The following RNF34 variants were observed in gnomAD, a reference collection of about 807,000 sequenced individuals.
RNF34 encodes E3 ubiquitin-protein ligase RNF34.
RNF34 carries 12 observed loss-of-function variants against 37.9 expected under a neutral mutation model. The ratio of observed to expected loss-of-function variants is 0.32; its 90% CI spans 0.20 to 0.51. The LOEUF (loss-of-function observed/expected upper bound fraction) is 0.51. Ranked by LOEUF, RNF34 falls within the 20% of genes least tolerant of loss-of-function variation. The pLI is 0.97. For missense variants in RNF34, 362 were observed against 472.7 expected, an observed-to-expected ratio of 0.77 and a Z score of 2.17; for synonymous variants, 155 against 177.2, an observed-to-expected ratio of 0.87 and a Z score of 1.00.
chr12:121,402,436 G>T lies in RNF34; in HGVS notation c.6+2218G>T, dbSNP rs57206363. Among the ~76,000 whole-genome samples, 28,562 of 151,324 alleles carry T rather than the reference G, an allele frequency of 0.19. 4,103 individuals carry two copies. Among genetic ancestry groups the T allele is most frequent in the African/African-American group, 0.41 (16,571 of 40,850 alleles). On this transcript the variant is annotated intron_variant, in intron 1 of 5. Transcript: ENST00000361234. ...TGGGTATTTACTTTCTCCCTTTGGC[G>T]TTTTGGTTTGGTTTGGTTTGGTTTG...
chr12:121,401,596 T>C (rs1331360465), intron 1 of RNF34, among the ~76,000 whole-genome samples: 1 of 152,196 alleles, frequency 6.6e-6, no homozygotes, highest in African/African-American at 2.4e-5. Flanking sequence ...CTCTGCTGTG[T>C]TAAGATCCAA....
intron 1 of RNF34, among the ~76,000 whole-genome samples, chr12:121,412,127 T>C (rs1306033832): frequency 6.6e-6 from 1 of 151,816 alleles, no homozygotes; most frequent in African/African-American, 2.4e-5. Flanking sequence ...AGTGGCGCAA[T>C]CTTGGCTCAC....
At chr12:121,401,550 A>C (rs1870001732) in intron 1 of RNF34, among the ~76,000 whole-genome samples, 1 of 152,178 alleles carries the variant, frequency 6.6e-6, no homozygotes, top group African/African-American at 2.4e-5. Context: ...TATCTATTAA[A>C]GTATCTAGAA....
rs376080046 is a variant in RNF34 at position 121,417,690 on chromosome 12, C to T, written c.412C>T (p.Arg138Cys). Residue 138 changes from arginine (R) to cysteine (C), a missense_variant, in exon 3 of 6, where the codon CGT (arginine) becomes TGT (cysteine). Physicochemically the swap from Arg to Cys is radical, Grantham distance 180. Coordinates refer to ENST00000361234, the MANE Select transcript of RNF34 (RefSeq NM_025126.4). The surrounding 1 kb of genome is among the most constrained non-coding windows in gnomAD (Gnocchi z 5.0). ...GAGAAATATACCCATAGATACTTGT[C>T]GTGAGAAAGAAGACTTGGTGGATCT... Reference protein sequence around the residue: ...ILRNIPIDTCREKEDLVDLVL... With the variant: ...ILRNIPIDTCCEKEDLVDLVL... 5.7e-5 allele frequency: 92 copies of T among 1,613,984 alleles called. No individual in the cohort carries two copies. The highest frequency in any genetic ancestry group is 9.3e-5 in the African/African-American group (7 of 74,894).
At position 121,420,279 on chromosome 12, in the gene RNF34, A is replaced by G. The variant is rs1555283040; in HGVS notation, c.671A>G (p.Asp224Gly). 6.2e-7 allele frequency: 1 copy of G among 1,602,014 alleles called. No homozygotes were observed. Among genetic ancestry groups the G allele is most frequent in the Non-Finnish European group, 8.5e-7 (1 of 1,172,476 alleles). ...ATCACTTCAGCAAACACAGAAGATG[A>G]TGATGACGACGATGATGAGGATGAT... Reference protein sequence around the residue: ...SEITSANTEDDDDDDDEDDDD... With the variant: ...SEITSANTEDGDDDDDEDDDD... The change falls in exon 4 of 6, where the codon GAT (aspartate) becomes GGT (glycine). Residue 224 changes from aspartate (D) to glycine (G), a missense_variant. By Grantham distance (94) the Asp-to-Gly change is moderately conservative. Coordinates refer to ENST00000361234, the MANE Select transcript of RNF34 (RefSeq NM_025126.4).
intron 1 of RNF34, among the ~76,000 whole-genome samples, chr12:121,407,148 A>T (rs1555280778): frequency 6.6e-6 from 1 of 152,100 alleles, no homozygotes; most frequent in East Asian, 1.9e-4. Context: ...TACCACTTGG[A>T]TGCATGTGGT....
Position 121,400,124 on chromosome 12 carries a change from C to G in RNF34, c.-89C>G. 2.0e-6 allele frequency: 3 copies of G among 1,477,086 alleles called. No individual in the cohort carries two copies. The highest frequency in any genetic ancestry group is 2.7e-6 in the Non-Finnish European group (3 of 1,097,446). The allele number at this position is 1,477,086 out of a possible 1,614,324, so 91.5% of individuals were successfully genotyped here. ...TCGCCTCCCGGGGCGCGGTAATCACCGCCCAGAGGGAAGGAGGTCGGCAGT... is the reference window on the plus strand; with the variant it reads ...TCGCCTCCCGGGGCGCGGTAATCACGGCCCAGAGGGAAGGAGGTCGGCAGT... On this transcript the variant is annotated 5_prime_UTR_variant, in exon 1 of 6. Coordinates refer to ENST00000361234, the MANE Select transcript of RNF34 (RefSeq NM_025126.4).
intron 1 of RNF34, among the ~76,000 whole-genome samples, chr12:121,407,957 G>C (rs956976764): frequency 8.6e-5 from 13 of 151,948 alleles, no homozygotes; most frequent in African/African-American, 2.7e-4. Context: ...AACCCTTGGG[G>C]AAATTGTCTT....
intron 1 of RNF34, among the ~76,000 whole-genome samples, chr12:121,415,530 C>T (rs1342984488): frequency 2.6e-5 from 4 of 152,068 alleles, no homozygotes; most frequent in African/African-American, 7.2e-5. Context: ...GCAGGAGAAT[C>T]GCTTGAACCC....
At chr12:121,420,494 A>AAT in intron 4 of RNF34, 83 bp from the exon 5 acceptor site, 2 of 1,572,298 alleles carry the variant, frequency 1.3e-6, no homozygotes, top group Non-Finnish European at 1.7e-6. Flanking sequence ...TGGCTGGGAG[A>AAT]ATATTCAGGG....
At chr12:121,422,808 G>A (rs186280175) in intron 5 of RNF34, among the ~76,000 whole-genome samples, 155 of 152,258 alleles carry the variant, frequency 1.0e-3, no homozygotes, top group African/African-American at 3.6e-3. Context: ...GAGCCAGGAC[G>A]GCCCATCTCT....
chr12:121,405,220 C>A (rs1318135994), intron 1 of RNF34: 1 of 152,198 alleles, frequency 6.6e-6, no homozygotes, highest in African/African-American at 2.4e-5. Flanking sequence ...GAAACACTGT[C>A]AGTCTCTGCT....
intron 1 of RNF34, 80 bp downstream of exon 1, chr12:121,400,298 C>G: frequency 6.6e-7 from 1 of 1,523,428 alleles, no homozygotes; most frequent in Non-Finnish European, 8.9e-7. Context: ...CCTTTCTTTC[C>G]GCCTTAGCGG....
intron 1 of RNF34, 100 bp downstream of exon 1, chr12:121,400,318 C>T: frequency 1.4e-6 from 2 of 1,401,980 alleles, no homozygotes; most frequent in Non-Finnish European, 1.9e-6. Context: ...GTTACCTAGT[C>T]GTCATCTCGG....
chr12:121,415,810 A>C (rs1344429606), intron 1 of RNF34, among the ~76,000 whole-genome samples: 1 of 151,076 alleles, frequency 6.6e-6, no homozygotes, highest in Admixed American at 6.6e-5. Flanking sequence ...GCATATCCCA[A>C]ATATACCACA....
intron 1 of RNF34, among the ~76,000 whole-genome samples, chr12:121,404,162 A>T (rs922053376): frequency 6.9e-6 from 1 of 144,000 alleles, no homozygotes; most frequent in African/African-American, 2.5e-5. Context: ...TGCCCGGCTA[A>T]TTTTTTTTTT....
In RNF34 at chr12:121,417,539, C is replaced by T. The variant is rs367629594; in HGVS notation, c.261C>T (p.Ser87=). Residue 87 remains serine (S), a synonymous_variant, in exon 3 of 6, where the codon TCC becomes TCT. Coordinates refer to ENST00000361234, the MANE Select transcript of RNF34 (RefSeq NM_025126.4). The surrounding 1 kb of genome is among the most constrained non-coding windows in gnomAD (Gnocchi z 5.0). ...VCCDCKKDFC[S]VCSVLQENLR... ...GTGACTGCAAGAAGGATTTTTGCTC[C>T]GTTTGTTCAGTCTTACAAGAAAATC... 10 of 1,612,766 alleles carry T rather than the reference C, an allele frequency of 6.2e-6. No individual in the cohort carries two copies. The highest frequency in any genetic ancestry group is 5.5e-5 in the South Asian group (5 of 90,896).
chr12:121,421,859 T>A (rs1872199996), intron 5 of RNF34, among the ~76,000 whole-genome samples: 1 of 152,182 alleles, frequency 6.6e-6, no homozygotes, highest in South Asian at 2.1e-4. Flanking sequence ...ATCATTAACT[T>A]TTATCATCTT....
chr12:121,415,498 C>T (rs1871477659), intron 1 of RNF34, among the ~76,000 whole-genome samples: 1 of 151,962 alleles, frequency 6.6e-6, no homozygotes, highest in South Asian at 2.1e-4. Context: ...TGCCTGTAAT[C>T]CTAGTTACTC....
Sources: gnomAD v4.1 joint callset for allele counts (sites outside exome capture counted in the v4.1 genomes callset) on GRCh38, gnomAD v4.1.1 for gene constraint, Gnocchi (gnomAD v3.1) non-coding constraint, MANE v1.5 for transcripts, NCBI Gene and HGNC (gene_info 2026-07-23, HGNC 2026-07-21) for gene names.